The following KPNA4 variants were observed in gnomAD, a reference collection of about 807,000 sequenced individuals.
The protein encoded by KPNA4 is karyopherin subunit alpha 4.
In KPNA4, 13 loss-of-function variants were observed where a neutral mutation model predicts 71.3. The observed-to-expected ratio is 0.18, with a 90% CI of 0.12 to 0.29. The LOEUF is 0.29. Among genes scored for constraint, KPNA4 ranks in the 10% least tolerant of loss-of-function variants. The pLI is 1.00. For synonymous variants in KPNA4, 189 were observed against 195.2 expected (o/e 0.97, Z 0.26); for missense variants, 334 against 603.2 (o/e 0.55, Z 4.67).
At chr3:160,552,300 G>A (rs909988112) in intron 1 of KPNA4, among the ~76,000 whole-genome samples, 4 of 151,994 alleles carry the variant, frequency 2.6e-5, no homozygotes, top group Middle Eastern at 3.4e-3. Flanking sequence ...TCATCACTAC[G>A]CAATCTATAC....
intron 10 of KPNA4, among the ~76,000 whole-genome samples, chr3:160,522,642 T>C (rs1357382951): frequency 6.6e-6 from 1 of 152,164 alleles, no homozygotes; most frequent in African/African-American, 2.4e-5. Context: ...CATTTTTCAG[T>C]AGAGACGGGG....
chr3:160,527,705 C>CATA (rs1200494662), intron 8 of KPNA4, among the ~76,000 whole-genome samples: 2 of 152,116 alleles, frequency 1.3e-5, no homozygotes, highest in Admixed American at 6.5e-5. Flanking sequence ...AAATTGTATA[C>CATA]ATCTTGCATA....
chr3:160,529,016 C>T (rs2108551360), intron 7 of KPNA4, among the ~76,000 whole-genome samples: 1 of 152,280 alleles, frequency 6.6e-6, no homozygotes, highest in South Asian at 2.1e-4. Context: ...CAGCCTTGAC[C>T]TCCCCTGGCT....
intron 1 of KPNA4, among the ~76,000 whole-genome samples, chr3:160,552,105 C>T (rs893812851): frequency 2.6e-5 from 4 of 152,030 alleles, no homozygotes; most frequent in East Asian, 1.9e-4. Flanking sequence ...TAATGAGTTA[C>T]TCTCATGAGA....
At chr3:160,516,691 G>C (rs1449249811) in intron 11 of KPNA4, among the ~76,000 whole-genome samples, 1 of 151,942 alleles carries the variant, frequency 6.6e-6, no homozygotes, top group Non-Finnish European at 1.5e-5. Context: ...AGGATTGCTT[G>C]AGCCTGGGAG....
intron 1 of KPNA4, among the ~76,000 whole-genome samples, chr3:160,560,984 TAACAA>T (rs1427747516): frequency 6.6e-6 from 1 of 151,822 alleles, no homozygotes; most frequent in Admixed American, 6.6e-5. Flanking sequence ...CTGTACACTT[TAACAA>T]ATCACTGAGG....
intron 2 of KPNA4, 92 bp downstream of exon 2, chr3:160,536,704 C>A: frequency 1.5e-6 from 1 of 667,312 alleles, no homozygotes; most frequent in Non-Finnish European, 2.4e-6. Flanking sequence ...TACATTTTAC[C>A]TAAAAACATA....
intron 10 of KPNA4, among the ~76,000 whole-genome samples, chr3:160,524,052 A>C (rs1721413176): frequency 6.6e-6 from 1 of 152,226 alleles, no homozygotes; most frequent in Non-Finnish European, 1.5e-5. Flanking sequence ...AGGACATGTC[A>C]CTAATATGCT....
chr3:160,520,550 C>T (rs1395867432), intron 11 of KPNA4, among the ~76,000 whole-genome samples: 2 of 152,022 alleles, frequency 1.3e-5, no homozygotes, highest in Non-Finnish European at 2.9e-5. Context: ...CGTGAGCCAC[C>T]ATGTCCAGCC....
At chr3:160,544,161 T>C (rs898721307) in intron 1 of KPNA4, among the ~76,000 whole-genome samples, 1 of 152,180 alleles carries the variant, frequency 6.6e-6, no homozygotes, top group Non-Finnish European at 1.5e-5. Flanking sequence ...CCCGGCCTCC[T>C]TGACCTTTCA....
At chr3:160,534,070 G>A (rs1362544825) in intron 5 of KPNA4, among the ~76,000 whole-genome samples, 1 of 152,170 alleles carries the variant, frequency 6.6e-6, no homozygotes, top group African/African-American at 2.4e-5. Flanking sequence ...ACACAATACT[G>A]TAATTTTATA....
At chr3:160,524,604 A>G (rs913529030) in intron 10 of KPNA4, among the ~76,000 whole-genome samples, 4 of 152,116 alleles carry the variant, frequency 2.6e-5, no homozygotes, top group Non-Finnish European at 5.9e-5. Flanking sequence ...TCAGCCTCCT[A>G]AAGTGCTGGG....
At position 160,526,078 on chromosome 3, in the gene KPNA4, T is replaced by C. The variant is rs1249095296; in HGVS notation, c.586A>G (p.Ile196Val). Residue 196 changes from isoleucine (I) to valine (V), a missense_variant, in exon 9 of 17, where the codon ATA (isoleucine) becomes GTA (valine). Ile to Val is a conservative substitution (Grantham distance 29). Transcript: ENST00000334256. ...GDGPQCRDYV[I>V]SLGVVKPLLS... ...AAAGGTTTCACAACTCCAAGACTTA[T>C]GACATAATCTCTACACTGGGGCCCA... 1.3e-5 allele frequency: 21 copies of C among 1,581,322 alleles called. No homozygotes were observed. The highest frequency in any genetic ancestry group is 1.6e-5 in the Non-Finnish European group (19 of 1,167,092).
intron 12 of KPNA4, among the ~76,000 whole-genome samples, 186 bp from the exon 13 acceptor site, chr3:160,514,367 A>G (rs940544944): frequency 5.9e-5 from 9 of 152,232 alleles, no homozygotes; most frequent in African/African-American, 2.2e-4. Context: ...CAGCTAATGG[A>G]CCTAATTCAA....
chr3:160,548,327 G>A (rs770220997), intron 1 of KPNA4, among the ~76,000 whole-genome samples: 32 of 152,004 alleles, frequency 2.1e-4, no homozygotes, highest in Non-Finnish European at 4.0e-4. Flanking sequence ...CATAACATAA[G>A]CTTTACCACT....
At chr3:160,541,513 C>T (rs1353533372) in intron 1 of KPNA4, among the ~76,000 whole-genome samples, 2 of 151,640 alleles carry the variant, frequency 1.3e-5, no homozygotes, top group African/African-American at 4.8e-5. Context: ...TGTGTGGTGA[C>T]TAGGATATAT....
intron 1 of KPNA4, among the ~76,000 whole-genome samples, chr3:160,549,224 A>G (rs980789932): frequency 2.6e-5 from 4 of 152,142 alleles, no homozygotes; most frequent in Non-Finnish European, 4.4e-5. Context: ...ATATTTTCTC[A>G]CATTCTGCAG....
Position 160,534,973 on chromosome 3 carries a change from C to T in KPNA4, c.287+540G>A, listed in dbSNP as rs144839092. Among the ~76,000 whole-genome samples the T allele has an allele frequency of 2.5e-3, 378 of 152,008 alleles. 1 individual carries two copies. The highest frequency in any genetic ancestry group is 8.6e-3 in the African/African-American group (356 of 41,496). ...TTCTGACCTCACGATCCGCCCACCTCGGCCTCCCAAAGTGCTGGGATTACA... is the reference window on the plus strand; with the variant it reads ...TTCTGACCTCACGATCCGCCCACCTTGGCCTCCCAAAGTGCTGGGATTACA... On this transcript the variant is annotated intron_variant, in intron 5 of 16. Coordinates refer to ENST00000334256, the MANE Select transcript of KPNA4 (RefSeq NM_002268.5).
At chr3:160,515,780 A>G (rs1462304591) in intron 11 of KPNA4, among the ~76,000 whole-genome samples, 200 bp from the exon 12 acceptor site, 1 of 151,734 alleles carries the variant, frequency 6.6e-6, no homozygotes, top group African/African-American at 2.4e-5. Context: ...CTGTCCGGCT[A>G]ATTTTTGTAT....
Sources: gnomAD v4.1 joint callset for allele counts (sites outside exome capture counted in the v4.1 genomes callset) on GRCh38, gnomAD v4.1.1 for gene constraint, MANE v1.5 for transcripts, NCBI Gene and HGNC (gene_info 2026-07-23, HGNC 2026-07-21) for gene names.